The following GUCY1A2 variants were observed in gnomAD, a reference collection of about 807,000 sequenced individuals.
GUCY1A2 encodes guanylate cyclase soluble subunit alpha-2.
A neutral mutation model predicts 63.5 loss-of-function variants in GUCY1A2; 27 were observed. That is an observed-to-expected ratio of 0.43 (90% CI 0.31 to 0.59). GUCY1A2 has a LOEUF of 0.59. Ranked by LOEUF, GUCY1A2 falls within the 20% of genes least tolerant of loss-of-function variation. The probability of loss-of-function intolerance (pLI) is 0.11; values close to 1 mark genes in which losing one functional copy is unlikely to be tolerated. For synonymous variants in GUCY1A2, 364 were observed against 343.5 expected, an observed-to-expected ratio of 1.06 and a Z score of -0.66; for missense variants, 768 against 913.3, an observed-to-expected ratio of 0.84 and a Z score of 2.05.
Position 106,681,907 on chromosome 11 carries a change from T to A in GUCY1A2, c.*5642A>T, listed in dbSNP as rs1229457732. The A allele has an allele frequency of 4.7e-6, 1 of 213,270 alleles. No homozygotes were observed. Among genetic ancestry groups the A allele is most frequent in the Non-Finnish European group, 9.5e-6 (1 of 105,628 alleles). 13.2% of individuals were successfully genotyped at this position (213,270 alleles called of 1,614,324 possible). On this transcript the variant is annotated 3_prime_UTR_variant, in exon 8 of 8. Transcript: ENST00000526355. ...ATAGTGAGACTAAGTATTAAGTTGA[T>A]GTCTTTTCATGACATAAAAATCAAA...
chr11:106,919,840 T>G (rs1322875967), intron 4 of GUCY1A2, among the ~76,000 whole-genome samples: 1 of 152,086 alleles, frequency 6.6e-6, no homozygotes, highest in Non-Finnish European at 1.5e-5. Flanking sequence ...CACATTTCAT[T>G]TCTTAAAATC....
chr11:106,909,518 G>A (rs775387658), intron 4 of GUCY1A2, among the ~76,000 whole-genome samples: 5 of 151,510 alleles, frequency 3.3e-5, no homozygotes, highest in Admixed American at 6.6e-5. Flanking sequence ...ACACCTCCCT[G>A]CTTGCTCCTC....
intron 1 of GUCY1A2, among the ~76,000 whole-genome samples, chr11:107,000,038 C>A (rs1407599650): frequency 6.6e-6 from 1 of 152,224 alleles, no homozygotes; most frequent in Non-Finnish European, 1.5e-5. Context: ...TCCTCCACCA[C>A]AATTCATATA....
chr11:106,987,842 G>A (rs1366388540), intron 1 of GUCY1A2, among the ~76,000 whole-genome samples: 1 of 151,172 alleles, frequency 6.6e-6, no homozygotes, highest in Non-Finnish European at 1.5e-5. Flanking sequence ...ATTGAATCAA[G>A]GGCATCTACT....
chr11:106,847,242 AT>A lies in GUCY1A2; in HGVS notation c.1207-36765del, dbSNP rs1374132578. ...GATATTGCAAAACTCAAAAAAAAAA[AT>A]ATATATATATATATAAAAAATTGTG... On this transcript the variant is annotated intron_variant, in intron 4 of 7. Transcript: ENST00000526355. Among the ~76,000 whole-genome samples, 237 of 107,124 alleles carry A rather than the reference AT, an allele frequency of 2.2e-3. 3 individuals are homozygous for A. Among genetic ancestry groups the A allele is most frequent in the Non-Finnish European group, 2.9e-3 (129 of 45,182 alleles). The allele number at this position is 107,124 out of a possible 152,430, so 70.3% of individuals were successfully genotyped here.
intron 3 of GUCY1A2, among the ~76,000 whole-genome samples, chr11:106,945,436 C>G (rs1311188348): frequency 6.6e-6 from 1 of 151,160 alleles, no homozygotes; most frequent in Non-Finnish European, 1.5e-5. Flanking sequence ...CAAGAAATCA[C>G]TCAGAATGAA....
At chr11:106,712,433 C>T (rs1336218560) in intron 6 of GUCY1A2, among the ~76,000 whole-genome samples, 5 of 152,058 alleles carry the variant, frequency 3.3e-5, no homozygotes, top group Admixed American at 3.3e-4. Flanking sequence ...TTTTAATGCC[C>T]TTGTCTGCTA....
intron 5 of GUCY1A2, among the ~76,000 whole-genome samples, chr11:106,805,062 C>A (rs945694925): frequency 1.3e-5 from 2 of 152,038 alleles, no homozygotes; most frequent in African/African-American, 4.8e-5. Flanking sequence ...ATCAGGTTCC[C>A]TAATGTAATA....
chr11:106,909,359 G>GTGTGTGTGTGTGTGTGTA (rs1860260382), intron 4 of GUCY1A2, among the ~76,000 whole-genome samples: 2 of 145,488 alleles, frequency 1.4e-5, no homozygotes, highest in East Asian at 4.0e-4. Flanking sequence ...ACTCATCTGT[G>GTGTGTGTGTGTGTGTGTA]TGTGTGTGTG....
In GUCY1A2 at chr11:106,747,995, A is replaced by T. The variant is rs183493231; in HGVS notation, c.1836+28444T>A. 7.9e-4 allele frequency among the ~76,000 whole-genome samples: 121 copies of T among 152,352 alleles called. 1 individual carries two copies. Among genetic ancestry groups the T allele is most frequent in the Middle Eastern group, 3.4e-3 (1 of 294 alleles). ...ATCCTTAAACACAACAGCTGACAGT[A>T]GAAAGAGGCAGCAAAGCTCATAGAA... On this transcript the variant is annotated intron_variant, in intron 6 of 7. Coordinates refer to ENST00000526355, the MANE Select transcript of GUCY1A2 (RefSeq NM_000855.3).
intron 1 of GUCY1A2, among the ~76,000 whole-genome samples, chr11:107,015,290 T>C (rs139179772): frequency 1.3e-5 from 2 of 152,270 alleles, no homozygotes; most frequent in Non-Finnish European, 2.9e-5. Context: ...GTTGCATTTA[T>C]TTGATCATCA....
chr11:106,745,338 A>C (rs1345619573), intron 6 of GUCY1A2, among the ~76,000 whole-genome samples: 8 of 152,254 alleles, frequency 5.3e-5, no homozygotes, highest in Non-Finnish European at 5.9e-5. Context: ...CTCTTAAAAA[A>C]TAAATGAGAA....
chr11:106,765,066 T>C (rs1390727637), intron 6 of GUCY1A2, among the ~76,000 whole-genome samples: 1 of 151,612 alleles, frequency 6.6e-6, no homozygotes, highest in African/African-American at 2.4e-5. Context: ...TCCTCTATAA[T>C]CTTGTACATA....
chr11:106,811,368 T>C (rs1858759998), intron 4 of GUCY1A2, among the ~76,000 whole-genome samples: 1 of 151,980 alleles, frequency 6.6e-6, no homozygotes, highest in African/African-American at 2.4e-5. Context: ...CTATAACTAT[T>C]TGGATTGGAC....
chr11:106,989,850 C>G (rs1389164636), intron 1 of GUCY1A2, among the ~76,000 whole-genome samples: 1 of 152,090 alleles, frequency 6.6e-6, no homozygotes, highest in Non-Finnish European at 1.5e-5. Flanking sequence ...CCAGGCCTGC[C>G]AGTGAGTAGG....
At chr11:106,782,457 G>A (rs186328255) in intron 5 of GUCY1A2, among the ~76,000 whole-genome samples, 39 of 152,246 alleles carry the variant, frequency 2.6e-4, no homozygotes, top group African/African-American at 7.9e-4. Flanking sequence ...TGGGTGAAAG[G>A]GGACTGGTAA....
chr11:106,838,553 C>A (rs1447811979), intron 4 of GUCY1A2, among the ~76,000 whole-genome samples: 3 of 151,910 alleles, frequency 2.0e-5, no homozygotes. Context: ...CAGCCGCAGA[C>A]CATGAGCAAT....
intron 1 of GUCY1A2, among the ~76,000 whole-genome samples, chr11:107,009,791 C>A (rs1225043457): frequency 1.3e-5 from 2 of 152,164 alleles, no homozygotes; most frequent in African/African-American, 4.8e-5. Flanking sequence ...CCAAAGGAAG[C>A]GACTTTCAGG....
At chr11:106,813,202 C>T (rs1320077062) in intron 4 of GUCY1A2, among the ~76,000 whole-genome samples, 1 of 151,822 alleles carries the variant, frequency 6.6e-6, no homozygotes, top group Non-Finnish European at 1.5e-5. Flanking sequence ...GCACAGAAGA[C>T]ATAAGAAAAA....
Sources: gnomAD v4.1 joint callset for allele counts (sites outside exome capture counted in the v4.1 genomes callset) on GRCh38, gnomAD v4.1.1 for gene constraint, MANE v1.5 for transcripts, NCBI Gene and HGNC (gene_info 2026-07-23, HGNC 2026-07-21) for gene names.